Variants in UGT1A7 observed in about 807,000 individuals in gnomAD.
UGT1A7 encodes the protein UDP glucuronosyltransferase family 1 member A7.
A neutral mutation model predicts 45.6 loss-of-function variants in UGT1A7; 33 were observed. The observed-to-expected ratio is 0.72, with a 90% CI of 0.55 to 0.97. UGT1A7 has a LOEUF of 0.97. Among genes scored for constraint, UGT1A7 ranks in the 50% least tolerant of loss-of-function variants. UGT1A7 has a pLI of 0.00. For synonymous variants in UGT1A7, 274 were observed against 250.6 expected, an observed-to-expected ratio of 1.09 and a Z score of -0.88; for missense variants, 684 against 666.2, an observed-to-expected ratio of 1.03 and a Z score of -0.29.
chr2:233,747,014 C>A (rs774665109), intron 1 of UGT1A7, among the ~76,000 whole-genome samples: 1 of 151,838 alleles, frequency 6.6e-6, no homozygotes, highest in Non-Finnish European at 1.5e-5. Context: ...TAGGAGTGAT[C>A]GGTCTTTCCC....
chr2:233,743,224 A>G (rs397839834), intron 1 of UGT1A7: 25 of 414,132 alleles, frequency 6.0e-5, no homozygotes, highest in Middle Eastern at 7.1e-4. Context: ...GCTCTTTGCT[A>G]TTTATTATGA....
At chr2:233,765,308 T>A (rs746475199) in intron 1 of UGT1A7, among the ~76,000 whole-genome samples, 3 of 152,234 alleles carry the variant, frequency 2.0e-5, no homozygotes, top group Non-Finnish European at 4.4e-5. Flanking sequence ...CATGCACATA[T>A]TTGTTTATTG....
intron 1 of UGT1A7, among the ~76,000 whole-genome samples, chr2:233,685,060 G>A (rs13002774): frequency 0.39 from 59,158 of 151,910 alleles, 11,718 homozygotes; most frequent in South Asian, 0.45. Context: ...CTTAAGCTCT[G>A]CACAGGAGAT....
chr2:233,703,554 T>C (rs2075743113), intron 1 of UGT1A7, among the ~76,000 whole-genome samples: 1 of 152,108 alleles, frequency 6.6e-6, no homozygotes, highest in Non-Finnish European at 1.5e-5. Flanking sequence ...TTATTGCTAG[T>C]AATATTTTTT....
intron 1 of UGT1A7, chr2:233,722,133 T>G (rs1336404223): frequency 5.8e-6 from 1 of 172,564 alleles, no homozygotes; most frequent in Non-Finnish European, 1.2e-5. Flanking sequence ...TAGTAGAGTT[T>G]AAGACTCCTG....
At chr2:233,689,219 G>T (rs1274133852) in intron 1 of UGT1A7, among the ~76,000 whole-genome samples, 2 of 152,150 alleles carry the variant, frequency 1.3e-5, no homozygotes, top group African/African-American at 4.8e-5. Context: ...ATACTTACCT[G>T]CACTTCCCTA....
chr2:233,740,556 T>G (rs1691418967), intron 1 of UGT1A7: 1 of 151,834 alleles, frequency 6.6e-6, no homozygotes, highest in African/African-American at 2.4e-5. Flanking sequence ...AGAAAAAATG[T>G]CCGGCATTTT....
chr2:233,716,480 G>A (rs17863792), intron 1 of UGT1A7, among the ~76,000 whole-genome samples: 15,444 of 151,946 alleles, frequency 0.1, 900 homozygotes, highest in East Asian at 0.2. Context: ...TCTGTCCTCC[G>A]TAGTCTTCTA....
At chr2:233,760,774 T>C in intron 1 of UGT1A7, 1 of 1,613,992 alleles carries the variant, frequency 6.2e-7, no homozygotes, top group Non-Finnish European at 8.5e-7. Flanking sequence ...CGTGGCCCAG[T>C]ACCTGTCTCT....
chr2:233,714,370 A>C (rs778374945), intron 1 of UGT1A7, among the ~76,000 whole-genome samples: 6 of 152,228 alleles, frequency 3.9e-5, no homozygotes, highest in African/African-American at 9.6e-5. Context: ...AAGTTGACTC[A>C]GTTCAGTGGA....
intron 1 of UGT1A7, among the ~76,000 whole-genome samples, chr2:233,707,192 G>A (rs539845894): frequency 4.3e-4 from 66 of 152,052 alleles, no homozygotes; most frequent in Admixed American, 7.2e-4. Flanking sequence ...CCTGCCCTCC[G>A]TTCTATTCCC....
chr2:233,707,414 C>T (rs1356640381), intron 1 of UGT1A7, among the ~76,000 whole-genome samples: 2 of 152,084 alleles, frequency 1.3e-5, no homozygotes, highest in Non-Finnish European at 2.9e-5. Context: ...CTCTCTCCCT[C>T]GACTATTTCT....
intron 1 of UGT1A7, among the ~76,000 whole-genome samples, chr2:233,728,850 A>T (rs1449608230): frequency 6.6e-6 from 1 of 152,198 alleles, no homozygotes; most frequent in East Asian, 1.9e-4. Flanking sequence ...TGGGAATTGG[A>T]TGAGAAACAA....
rs764097812 is a variant in UGT1A7 at position 233,719,154 on chromosome 2, A to G, written c.855+36362A>G. 40 of 1,614,150 alleles carry G rather than the reference A, an allele frequency of 2.5e-5. No homozygotes were observed. Among genetic ancestry groups the G allele is most frequent in the Non-Finnish European group, 3.1e-5 (37 of 1,180,060 alleles). On this transcript the variant is annotated intron_variant, in intron 1 of 4. Transcript: ENST00000373426. ...AGAACATCTTCTGAAGAGATATTCT[A>G]GAAGTATGGCAATTATGAACAATGT...
At chr2:233,698,914 C>G (rs12471030) in intron 1 of UGT1A7, among the ~76,000 whole-genome samples, 1 of 152,110 alleles carries the variant, frequency 6.6e-6, no homozygotes, top group Admixed American at 6.5e-5. Flanking sequence ...CAAGGAGGGA[C>G]GTGGCCGTCT....
chr2:233,748,188 T>A (rs1575688597), intron 1 of UGT1A7: 1 of 1,565,216 alleles, frequency 6.4e-7, no homozygotes, highest in East Asian at 2.2e-5. Flanking sequence ...GTGCTTTTAT[T>A]TCTGCTTGTC....
chr2:233,708,423 A>G (rs759407655), intron 1 of UGT1A7: 8 of 152,174 alleles, frequency 5.3e-5, no homozygotes, highest in Non-Finnish European at 1.0e-4. Flanking sequence ...ACCAGTGAAG[A>G]TAAGAACTGG....
In UGT1A7 at chr2:233,767,150, C is replaced by A. The variant is rs1699320624; in HGVS notation, c.972C>A (p.Gly324=). 4 of 1,613,942 alleles carry A rather than the reference C, an allele frequency of 2.5e-6. No individual in the cohort carries two copies. The highest frequency in any genetic ancestry group is 1.6e-4 in the Middle Eastern group (1 of 6,082). Residue 324 remains glycine (G), a synonymous_variant, in exon 2 of 5, where the codon GGC becomes GGA. Coordinates refer to ENST00000373426, the MANE Select transcript of UGT1A7 (RefSeq NM_019077.3). The part of the protein sequence containing the change: ...KKAMAIADAL[G]KIPQTVLWRY... ...CTATGGCAATTGCTGATGCTTTGGG[C>A]AAAATCCCTCAGACAGTAAGAAGAT...
chr2:233,724,145 T>C (rs1184615097), intron 1 of UGT1A7, among the ~76,000 whole-genome samples: 8 of 114,770 alleles, frequency 7.0e-5, no homozygotes, highest in African/African-American at 2.9e-4. Flanking sequence ...ACGGGGCGGC[T>C]GGCCGGGTGG....
Sources: gnomAD v4.1 joint callset for allele counts (sites outside exome capture counted in the v4.1 genomes callset) on GRCh38, gnomAD v4.1.1 for gene constraint, MANE v1.5 for transcripts, NCBI Gene and HGNC (gene_info 2026-07-23, HGNC 2026-07-21) for gene names.